TGFBI: variants seen among roughly 807,000 people sequenced by gnomAD.
TGFBI encodes transforming growth factor-beta-induced protein ig-h3.
TGFBI carries 50 observed loss-of-function variants against 73.7 expected under a neutral mutation model. The observed-to-expected ratio is 0.68, with a 90% CI of 0.54 to 0.86. The LOEUF is 0.86. Among genes scored for constraint, TGFBI ranks in the 40% least tolerant of loss-of-function variants. TGFBI has a pLI of 0.00. For missense variants in TGFBI, 839 were observed against 877.0 expected, an observed-to-expected ratio of 0.96 and a Z score of 0.55; for synonymous variants, 362 against 360.5, an observed-to-expected ratio of 1.00 and a Z score of -0.05.
chr5:136,047,170 C>G (rs950039396), intron 5 of TGFBI, 104 bp from the exon 6 acceptor site: 10 of 1,546,284 alleles, frequency 6.5e-6, no homozygotes, highest in Non-Finnish European at 8.8e-6. Flanking sequence ...CTTGTGGAAC[C>G]CACATTTTGC....
intron 6 of TGFBI, chr5:136,048,979 A>G: frequency 6.3e-6 from 1 of 158,118 alleles, no homozygotes. Context: ...GGGCTCATGT[A>G]CGTGATTACC....
chr5:136,062,804 C>T, intron 16 of TGFBI, 117 bp downstream of exon 16: 1 of 1,190,918 alleles, frequency 8.4e-7, no homozygotes. Context: ...GTAAAAGAAG[C>T]CTGGCCTTTG....
chr5:136,060,649 G>A (rs1459007654), intron 13 of TGFBI, among the ~76,000 whole-genome samples, 185 bp from the exon 14 acceptor site: 1 of 152,192 alleles, frequency 6.6e-6, no homozygotes, highest in Non-Finnish European at 1.5e-5. Context: ...GGCGGAGGTT[G>A]CAGTGAGTCG....
At chr5:136,047,524 A>G in intron 6 of TGFBI, 104 bp downstream of exon 6, 1 of 1,410,560 alleles carries the variant, frequency 7.1e-7, no homozygotes, top group East Asian at 2.3e-5. Flanking sequence ...TGGCTCCTGT[A>G]GGGGAACATA....
At chr5:136,061,141 C>G (rs1751740154) in intron 14 of TGFBI, 1 of 593,674 alleles carries the variant, frequency 1.7e-6, no homozygotes, top group East Asian at 2.8e-5. Flanking sequence ...ACACATTGCT[C>G]TTTGCGGAGT....
intron 2 of TGFBI, among the ~76,000 whole-genome samples, chr5:136,038,552 T>TA (rs779020987): frequency 0.018 from 2,632 of 145,166 alleles, 25 homozygotes; most frequent in Middle Eastern, 0.021. Context: ...CCCCCTCTAG[T>TA]AAAAAAAAAA....
chr5:136,049,369 C>CTG, intron 6 of TGFBI, 70 bp from the exon 7 acceptor site: 6 of 1,566,842 alleles, frequency 3.8e-6, no homozygotes, highest in Non-Finnish European at 4.4e-6. Context: ...ACCAGTGAAG[C>CTG]TGTGTGTGCA....
chr5:136,060,646 G>T (rs1286691322), intron 13 of TGFBI, among the ~76,000 whole-genome samples, 188 bp from the exon 14 acceptor site: 1 of 152,158 alleles, frequency 6.6e-6, no homozygotes, highest in Non-Finnish European at 1.5e-5. Flanking sequence ...GGAGGCGGAG[G>T]TTGCAGTGAG....
At position 136,060,816 on chromosome 5, in the gene TGFBI, A is replaced by G; in HGVS notation, c.1804-18A>G. On this transcript the variant is annotated intron_variant, in intron 13 of 16. Coordinates refer to ENST00000442011, the MANE Select transcript of TGFBI (RefSeq NM_000358.3). Reference sequence around the variant, plus strand: ...AATAAATGCTCTACTTTCAACCACTACTCTGTTTTTCTTTTAGAAAAACAA... The same window carrying G: ...AATAAATGCTCTACTTTCAACCACTGCTCTGTTTTTCTTTTAGAAAAACAA... 6.4e-7 allele frequency: 1 copy of G among 1,563,312 alleles called. No homozygotes were observed. The highest frequency in any genetic ancestry group is 8.8e-7 in the Non-Finnish European group (1 of 1,141,316).
intron 7 of TGFBI, 98 bp from the exon 8 acceptor site, chr5:136,052,809 G>T: frequency 8.3e-7 from 1 of 1,205,040 alleles, no homozygotes; most frequent in Non-Finnish European, 1.2e-6. Context: ...GTCCTCATCT[G>T]AGAGAACAGG....
intron 3 of TGFBI, among the ~76,000 whole-genome samples, chr5:136,045,316 G>A (rs1055503464): frequency 6.6e-6 from 1 of 152,158 alleles, no homozygotes; most frequent in African/African-American, 2.4e-5. Flanking sequence ...GCCAAGGCAG[G>A]TGGATCAACT....
chr5:136,057,980 G>A (rs1170754317), intron 12 of TGFBI, among the ~76,000 whole-genome samples: 1 of 152,064 alleles, frequency 6.6e-6, no homozygotes, highest in Non-Finnish European at 1.5e-5. Flanking sequence ...AGTTGAGGAG[G>A]GGGATGGGAA....
intron 2 of TGFBI, among the ~76,000 whole-genome samples, chr5:136,039,085 G>T (rs1751283725): frequency 6.6e-6 from 1 of 152,084 alleles, no homozygotes; most frequent in Non-Finnish European, 1.5e-5. Flanking sequence ...TCTCATGTAG[G>T]GTATTGCTTT....
chr5:136,060,796 A>G, intron 13 of TGFBI, 38 bp from the exon 14 acceptor site: 5 of 1,422,228 alleles, frequency 3.5e-6, no homozygotes, highest in Non-Finnish European at 4.8e-6. Context: ...GTATAAATAA[A>G]TGCTCTACTT....
intron 1 of TGFBI, among the ~76,000 whole-genome samples, chr5:136,030,828 C>T (rs1162339163): frequency 1.3e-5 from 2 of 152,160 alleles, no homozygotes; most frequent in African/African-American, 2.4e-5. Flanking sequence ...TTATAGCATG[C>T]CCTGCAACAG....
At chr5:136,040,322 G>C (rs1751307336) in intron 2 of TGFBI, among the ~76,000 whole-genome samples, 1 of 152,156 alleles carries the variant, frequency 6.6e-6, no homozygotes. Context: ...GTACTAGTCT[G>C]TGACCTGTTA....
intron 2 of TGFBI, among the ~76,000 whole-genome samples, chr5:136,038,498 C>T (rs192812960): frequency 1.1e-3 from 172 of 151,574 alleles, no homozygotes; most frequent in African/African-American, 3.8e-3. Context: ...GAGCGGGTCA[C>T]GAGGACAGGA....
intron 1 of TGFBI, among the ~76,000 whole-genome samples, chr5:136,030,254 C>A (rs1310137292): frequency 2.0e-5 from 3 of 152,190 alleles, no homozygotes; most frequent in Admixed American, 6.5e-5. Flanking sequence ...AGAGACTGGG[C>A]AGATCTGTGC....
chr5:136,033,652 T>C, intron 1 of TGFBI, 111 bp from the exon 2 acceptor site: 1 of 824,876 alleles, frequency 1.2e-6, no homozygotes, highest in Non-Finnish European at 2.0e-6. Flanking sequence ...AATGACTCTC[T>C]CCTCTATCTC....
Sources: gnomAD v4.1 joint callset for allele counts (sites outside exome capture counted in the v4.1 genomes callset) on GRCh38, gnomAD v4.1.1 for gene constraint, MANE v1.5 for transcripts, NCBI Gene and HGNC (gene_info 2026-07-23, HGNC 2026-07-21) for gene names.